Variants in TCOF1 observed in about 807,000 individuals in gnomAD.
TCOF1 encodes treacle protein.
In TCOF1, 33 loss-of-function variants were observed where a neutral mutation model predicts 149.0. The observed-to-expected ratio is 0.22, with a 90% confidence interval of 0.17 to 0.30. The LOEUF is 0.30. Ranked by LOEUF, TCOF1 falls within the 10% of genes least tolerant of loss-of-function variation. The probability of loss-of-function intolerance (pLI) is 1.00; values close to 1 mark genes in which losing one functional copy is unlikely to be tolerated. For missense variants in TCOF1, 1,728 were observed against 1,840.7 expected, an observed-to-expected ratio of 0.94 and a Z score of 1.12; for synonymous variants, 789 against 738.8, an observed-to-expected ratio of 1.07 and a Z score of -1.10.
At position 150,357,768 on chromosome 5, in the gene TCOF1, C is replaced by T. The variant is rs1758944787; in HGVS notation, c.22C>T (p.Arg8Trp). 1 of 1,549,486 alleles carries T rather than the reference C, an allele frequency of 6.5e-7. No homozygotes were observed. Among genetic ancestry groups the T allele is most frequent in the Non-Finnish European group, 8.7e-7 (1 of 1,146,542 alleles). The change falls in exon 1 of 27, where the codon CGG becomes TGG. Residue 8 changes from arginine (R) to tryptophan (W), a missense_variant. Physicochemically the swap from Arg to Trp is moderately radical, Grantham distance 101. Coordinates refer to ENST00000643257, the MANE Select transcript of TCOF1 (RefSeq NM_001371623.1). MAEARKRRELLPLIYHHL... is the reference protein window; with the variant it reads MAEARKRWELLPLIYHHL... ...GGGTATGGCCGAGGCCAGGAAGCGGCGGGAGCTACTTCCCCTGATCTACCA... is the reference window on the plus strand; with the variant it reads ...GGGTATGGCCGAGGCCAGGAAGCGGTGGGAGCTACTTCCCCTGATCTACCA...
intron 6 of TCOF1, among the ~76,000 whole-genome samples, chr5:150,370,458 C>T (rs1266225735): frequency 3.9e-5 from 6 of 152,190 alleles, no homozygotes; most frequent in African/African-American, 9.6e-5. Context: ...CGGGTTCAAG[C>T]GATTGTCGTG....
At chr5:150,384,286 T>C in intron 17 of TCOF1, 8 of 989,534 alleles carry the variant, frequency 8.1e-6, no homozygotes, top group Non-Finnish European at 9.6e-6. Context: ...CATTTTTCTG[T>C]TTAATCTCCA....
At chr5:150,378,801 A>T (rs948880821) in intron 14 of TCOF1, 104 bp from the exon 15 acceptor site, 1 of 1,550,882 alleles carries the variant, frequency 6.4e-7, no homozygotes, top group African/African-American at 1.4e-5. Flanking sequence ...TGCATGGAGG[A>T]GCCAGAATCC....
rs531869289 is a variant in TCOF1, at chr5:150,358,107, T to C, written c.108+253T>C. Reference sequence around the variant, plus strand: ...AAGTGTGCTCGCAGGGGCCGAACTTTGTAATTCCCGCTTCCCTTACCTCCA... The same window carrying C: ...AAGTGTGCTCGCAGGGGCCGAACTTCGTAATTCCCGCTTCCCTTACCTCCA... On this transcript the variant is annotated intron_variant, in intron 1 of 26. Transcript: ENST00000643257. 6.6e-5 allele frequency among the ~76,000 whole-genome samples: 10 copies of C among 152,312 alleles called. No individual in the cohort carries two copies. The South Asian group carries it at 2.1e-3, about 32-fold the overall frequency.
chr5:150,363,996 T>G, intron 2 of TCOF1, 117 bp from the exon 3 acceptor site: 1 of 1,485,334 alleles, frequency 6.7e-7, no homozygotes, highest in Admixed American at 1.7e-5. Flanking sequence ...CACCACTGTT[T>G]AGATTCTATG....
At chr5:150,363,748 A>G (rs1490999643) in intron 2 of TCOF1, among the ~76,000 whole-genome samples, 1 of 152,200 alleles carries the variant, frequency 6.6e-6, no homozygotes. Flanking sequence ...GGACCTGGGC[A>G]GAGTCTTCCA....
rs376171678 is a variant in TCOF1 at position 150,396,549 on chromosome 5, C to T, written c.4052C>T (p.Ser1351Leu). Residue 1351 changes from serine (S) to leucine (L), a missense_variant, in exon 24 of 27, where the codon TCG becomes TTG. Around this residue, in one of 2 missense-constraint regions of TCOF1, gnomAD observed 1,696 missense variants for 1,765.4 expected, o/e 0.96. Transcript: ENST00000643257. The part of the protein sequence containing the change: ...KGWESRKRKL[S>L]GDQPAARTPR... ...TGGGAGAGCCGCAAGCGGAAGCTAT[C>T]GGGAGACCAGCCAGCTGCCAGGACC... The T allele has an allele frequency of 1.4e-4, 230 of 1,592,458 alleles. No individual in the cohort carries two copies. Among genetic ancestry groups the T allele is most frequent in the Non-Finnish European group, 1.9e-4 (218 of 1,169,716 alleles).
At chr5:150,369,060 G>A (rs143816674) in intron 5 of TCOF1, among the ~76,000 whole-genome samples, 158 bp downstream of exon 5, 2 of 152,338 alleles carry the variant, frequency 1.3e-5, no homozygotes, top group Non-Finnish European at 2.9e-5. Context: ...TCACCTAGAC[G>A]AGGGAGGGTC....
Position 150,392,135 on chromosome 5 carries a change from A to C in TCOF1, c.3476A>C (p.Asp1159Ala). Residue 1159 changes from aspartate to alanine, a missense_variant, in exon 21 of 27, where the codon GAT (aspartate) becomes GCT (alanine). By Grantham distance (126) the Asp-to-Ala change is moderately radical. Around this residue, in one of 2 missense-constraint regions of TCOF1, gnomAD observed 1,696 missense variants for 1,765.4 expected, o/e 0.96. Coordinates refer to ENST00000643257, the MANE Select transcript of TCOF1 (RefSeq NM_001371623.1). ...SSDSSSGSEE[D>A]GEGPQGAKSA... is the part of the protein sequence containing the mutation. ...GACAGTTCTTCAGGGAGTGAGGAAG[A>C]TGGTGAAGGGCCCCAGGGGGCCAAG... The C allele has an allele frequency of 6.2e-7, 1 of 1,614,200 alleles. No homozygotes were observed. The highest frequency in any genetic ancestry group is 8.5e-7 in the Non-Finnish European group (1 of 1,180,034).
At position 150,369,590 on chromosome 5, in the gene TCOF1, G is replaced by A; in HGVS notation, c.627G>A (p.Glu209=). 2 of 1,614,162 alleles carry A rather than the reference G, an allele frequency of 1.2e-6. No individual in the cohort carries two copies. Among genetic ancestry groups the A allele is most frequent in the Non-Finnish European group, 1.7e-6 (2 of 1,180,030 alleles). ...AGGACACCTCCAGCTCCAGTGATGA[G>A]ACAGACGTGGAGGTAATTGCCACCC... is the stretch of plus-strand genomic sequence containing the variant. ...SSEDTSSSSD[E]TDVEGKPSVK... Residue 209 remains glutamate (E), a synonymous_variant, in exon 6 of 27, where the codon GAG becomes GAA. Coordinates refer to ENST00000643257, the MANE Select transcript of TCOF1 (RefSeq NM_001371623.1).
chr5:150,360,387 G>A (rs1436302282), intron 1 of TCOF1, among the ~76,000 whole-genome samples: 3 of 152,188 alleles, frequency 2.0e-5, no homozygotes, highest in Admixed American at 2.0e-4. Context: ...TACCATTTGG[G>A]CCCAGTCTTC....
chr5:150,390,926 G>T (rs181474365), intron 19 of TCOF1, among the ~76,000 whole-genome samples: 1 of 152,330 alleles, frequency 6.6e-6, no homozygotes, highest in East Asian at 1.9e-4. Context: ...GTATTCACCA[G>T]CTGGTAGGAG....
chr5:150,386,537 C>G (rs1766341406), intron 17 of TCOF1, among the ~76,000 whole-genome samples: 1 of 152,194 alleles, frequency 6.6e-6, no homozygotes, highest in East Asian at 1.9e-4. Context: ...TACTTTATGC[C>G]TCTCCACAGC....
At chr5:150,392,897 T>G in intron 22 of TCOF1, 107 bp downstream of exon 22, 1 of 1,349,178 alleles carries the variant, frequency 7.4e-7, no homozygotes, top group Non-Finnish European at 1.0e-6. Flanking sequence ...TCCCCTCTCT[T>G]CACAGAGGCC....
intron 1 of TCOF1, among the ~76,000 whole-genome samples, chr5:150,360,870 G>A (rs896118312): frequency 9.2e-5 from 14 of 151,868 alleles, no homozygotes; most frequent in Middle Eastern, 3.4e-3. Context: ...CTGAGTAGCC[G>A]GGACCACCAG....
intron 18 of TCOF1, among the ~76,000 whole-genome samples, chr5:150,388,970 G>A (rs1295640810): frequency 2.0e-5 from 3 of 152,136 alleles, no homozygotes; most frequent in Middle Eastern, 3.4e-3. Context: ...GCTGGGCATG[G>A]TGGTTCGCAC....
intron 2 of TCOF1, among the ~76,000 whole-genome samples, chr5:150,361,840 GTGGACAGTACAGA>G (rs1192134974): frequency 6.6e-6 from 1 of 152,214 alleles, no homozygotes; most frequent in Admixed American, 6.5e-5. Context: ...CCTGTGGCTG[GTGGACAGTACAGA>G]TGGGGCTAGG....
chr5:150,372,633 G>A (rs1195066960), intron 7 of TCOF1, among the ~76,000 whole-genome samples: 2 of 152,178 alleles, frequency 1.3e-5, no homozygotes, highest in Non-Finnish European at 2.9e-5. Flanking sequence ...GGCCCTGGGT[G>A]TATCCCAAGG....
chr5:150,384,110 C>T, intron 17 of TCOF1: 2 of 1,192,132 alleles, frequency 1.7e-6, no homozygotes, highest in Non-Finnish European at 2.1e-6. Flanking sequence ...TCATGAACCA[C>T]CTCCCCTTGA....
Sources: allele counts gnomAD v4.1 joint callset (sites outside exome capture counted in the v4.1 genomes callset), GRCh38; gene constraint gnomAD v4.1.1; regional missense constraint gnomAD v4.1.1; transcripts MANE v1.5; gene names NCBI Gene and HGNC (gene_info 2026-07-23, HGNC 2026-07-21).